RELL1: variants seen among roughly 807,000 people sequenced by gnomAD.
RELL1 encodes RELT like 1.
RELL1 carries 10 observed loss-of-function variants against 23.0 expected under a neutral mutation model. The ratio of observed to expected loss-of-function variants is 0.43; its 90% CI spans 0.27 to 0.74. The LOEUF (loss-of-function observed/expected upper bound fraction) is 0.74, where lower values mean the gene tolerates loss of function less well. Among genes scored for constraint, RELL1 ranks in the 30% least tolerant of loss-of-function variants. The pLI, the probability that RELL1 is intolerant of heterozygous loss-of-function variation, is 0.19. For synonymous variants in RELL1, 146 were observed against 146.8 expected, an observed-to-expected ratio of 0.99 and a Z score of 0.04; for missense variants, 315 against 364.4, an observed-to-expected ratio of 0.86 and a Z score of 1.10.
At chr4:37,630,899 A>T (rs559553479) in intron 6 of RELL1, among the ~76,000 whole-genome samples, 1 of 152,272 alleles carries the variant, frequency 6.6e-6, no homozygotes, top group South Asian at 2.1e-4. Context: ...TTTACCTAAA[A>T]ATGGTGACAA....
At position 37,596,736 on chromosome 4, in the gene RELL1, ATTTTTTTTTTTTT is replaced by A. The variant is rs1178565372; in HGVS notation, c.*4-5532_*4-5520del. Reference sequence around the variant, plus strand: ...TATATATATATATATATATATATATATTTTTTTTTTTTTTTTTTTTTTTTTTTTTGAGATGGAG... The same window carrying A: ...TATATATATATATATATATATATATATTTTTTTTTTTTTTTTGAGATGGAG... On this transcript the variant is annotated intron_variant, in intron 6 of 6. Transcript: ENST00000314117. Among the ~76,000 whole-genome samples the A allele has an allele frequency of 6.5e-3, 107 of 16,490 alleles. 1 individual carries two copies. The highest frequency in any genetic ancestry group is 0.014 in the African/African-American group (103 of 7,584). 10.8% of individuals were successfully genotyped at this position (16,490 alleles called of 152,430 possible).
chr4:37,632,234 C>A (rs1489433558), intron 5 of RELL1, among the ~76,000 whole-genome samples: 5 of 150,846 alleles, frequency 3.3e-5, no homozygotes, highest in African/African-American at 1.2e-4. Context: ...TGCAGTGGTA[C>A]AATCTCGGCT....
chr4:37,590,343 C>A, downstream of RELL1: 1 of 1,613,500 alleles, frequency 6.2e-7, no homozygotes, highest in South Asian at 1.1e-5. Flanking sequence ...ACCATGCCTG[C>A]GGTGTCAACG....
chr4:37,665,331 T>C, intron 1 of RELL1: 1 of 456,216 alleles, frequency 2.2e-6, no homozygotes. Flanking sequence ...GATGTAAATA[T>C]ACCAGCATGC....
intron 6 of RELL1, among the ~76,000 whole-genome samples, chr4:37,630,070 C>G (rs1017091555): frequency 3.9e-5 from 6 of 152,090 alleles, no homozygotes; most frequent in Admixed American, 6.5e-5. Flanking sequence ...CAGTCTGACT[C>G]CAGGGTTCAT....
At chr4:37,607,887 C>T (rs1437697241), downstream of RELL1, among the ~76,000 whole-genome samples, 1 of 152,200 alleles carries the variant, frequency 6.6e-6, no homozygotes, top group African/African-American at 2.4e-5. Flanking sequence ...TGCGCCCAGC[C>T]ATCAGCACCA....
chr4:37,649,398 A>T lies in RELL1; in HGVS notation c.191T>A (p.Val64Asp). The T allele has an allele frequency of 6.2e-7, 1 of 1,614,270 alleles. No individual in the cohort carries two copies. Among genetic ancestry groups the T allele is most frequent in the Non-Finnish European group, 8.5e-7 (1 of 1,180,050 alleles). ...GAGACCCATGATAAAGAACACAGGGACAAGCGCGTATGCAATATATTCTGG... is the reference window on the plus strand; with the variant it reads ...GAGACCCATGATAAAGAACACAGGGTCAAGCGCGTATGCAATATATTCTGG... ...GHPEYIAYAL[V>D]PVFFIMGLFG... The change falls in exon 2 of 7, where the codon GTC (valine) becomes GAC (aspartate). Residue 64 changes from valine to aspartate, a missense_variant. By Grantham distance (152) the Val-to-Asp change is radical (BLOSUM62 -3). Transcript: ENST00000454158.
At chr4:37,684,452 C>T (rs539102567) in intron 1 of RELL1, among the ~76,000 whole-genome samples, 5 of 152,258 alleles carry the variant, frequency 3.3e-5, no homozygotes, top group African/African-American at 1.2e-4. Context: ...AAACACACAC[C>T]CACTCTAGGG....
At chr4:37,640,963 T>A (rs1255451066) in intron 3 of RELL1, among the ~76,000 whole-genome samples, 2 of 152,168 alleles carry the variant, frequency 1.3e-5, no homozygotes, top group Admixed American at 6.6e-5. Context: ...AGGAGTGAGC[T>A]TTTTAAAATC....
chr4:37,604,836 C>CACAGACACACACAT (rs1560323741), intron 6 of RELL1, among the ~76,000 whole-genome samples: 1 of 108,508 alleles, frequency 9.2e-6, no homozygotes, highest in Non-Finnish European at 1.9e-5. Context: ...CACACATACA[C>CACAGACACACACAT]ACAGACACAC....
intron 1 of RELL1, among the ~76,000 whole-genome samples, chr4:37,659,581 C>A (rs1721246153): frequency 6.6e-6 from 1 of 152,104 alleles, no homozygotes; most frequent in Admixed American, 6.5e-5. Context: ...AGGGGTTTTT[C>A]TTCATCCACC....
chr4:37,601,578 G>A (rs1719016491), intron 6 of RELL1, among the ~76,000 whole-genome samples: 1 of 152,198 alleles, frequency 6.6e-6, no homozygotes, highest in Admixed American at 6.5e-5. Context: ...GAAAGATGGT[G>A]AAAGGAAATT....
At position 37,686,327 on chromosome 4, in the gene RELL1, C is replaced by T; in HGVS notation, c.-40G>A. On this transcript the variant is annotated 5_prime_UTR_variant, in exon 1 of 7. Transcript: ENST00000454158. Reference sequence around the variant, plus strand: ...GCCCTCCTCCCCCAGGGCGCCGCGTCCCGCGCTCGGGAAGGCAGAGCCGCT... The same window carrying T: ...GCCCTCCTCCCCCAGGGCGCCGCGTTCCGCGCTCGGGAAGGCAGAGCCGCT... The T allele has an allele frequency of 6.9e-7, 1 of 1,446,304 alleles. No homozygotes were observed. Among genetic ancestry groups the T allele is most frequent in the Non-Finnish European group, 9.1e-7 (1 of 1,097,458 alleles). The allele number at this position is 1,446,304 out of a possible 1,614,324, so 89.6% of individuals were successfully genotyped here.
chr4:37,649,072 G>C (rs1404958583), intron 2 of RELL1, among the ~76,000 whole-genome samples: 1 of 152,182 alleles, frequency 6.6e-6, no homozygotes, highest in Non-Finnish European at 1.5e-5. Context: ...GGCAAGAAAG[G>C]GTGCCCTATC....
intron 1 of RELL1, among the ~76,000 whole-genome samples, chr4:37,668,206 C>G (rs1721604954): frequency 6.9e-6 from 1 of 145,876 alleles, no homozygotes; most frequent in Non-Finnish European, 1.5e-5. Flanking sequence ...AAGGAACCCC[C>G]TCCCCCTCCC....
chr4:37,644,438 T>TTTTATTTA (rs10523379), intron 3 of RELL1, among the ~76,000 whole-genome samples: 16,814 of 137,720 alleles, frequency 0.12, 1,139 homozygotes, highest in African/African-American at 0.13. Flanking sequence ...TTATTTTTAT[T>TTTTATTTA]TTTATTTATT....
chr4:37,588,238 T>G (rs1718418352), downstream of RELL1: 1 of 152,294 alleles, frequency 6.6e-6, no homozygotes, highest in South Asian at 2.1e-4. Flanking sequence ...AAAGAACAGG[T>G]CCACAAATCA....
chr4:37,588,741 ACTCT>A (rs558352193), downstream of RELL1: 372 of 778,216 alleles, frequency 4.8e-4, 1 homozygote, highest in African/African-American at 5.6e-3. Flanking sequence ...AAAATGTGTG[ACTCT>A]CTTAATACAT....
chr4:37,587,529 G>A (rs140181087), downstream of RELL1, among the ~76,000 whole-genome samples: 4 of 152,254 alleles, frequency 2.6e-5, no homozygotes, highest in East Asian at 7.7e-4. Flanking sequence ...CAGCATCCCT[G>A]GAAATTCACC....
Sources: gnomAD v4.1 joint callset for allele counts (sites outside exome capture counted in the v4.1 genomes callset) on GRCh38, gnomAD v4.1.1 for gene constraint, MANE v1.5 for transcripts, NCBI Gene and HGNC (gene_info 2026-07-23, HGNC 2026-07-21) for gene names.